Variants in NSL1 observed in about 807,000 individuals in gnomAD.
NSL1 encodes the protein kinetochore-associated protein NSL1 homolog.
In NSL1, 11 loss-of-function variants were observed where a neutral mutation model predicts 25.4. The ratio of observed to expected loss-of-function variants is 0.43; its 90% CI spans 0.27 to 0.72. The LOEUF (loss-of-function observed/expected upper bound fraction) is 0.72. Among genes scored for constraint, NSL1 ranks in the 30% least tolerant of loss-of-function variants. NSL1 has a pLI of 0.19. For missense variants in NSL1, 330 were observed against 342.7 expected, an observed-to-expected ratio of 0.96 and a Z score of 0.29; for synonymous variants, 118 against 120.6, an observed-to-expected ratio of 0.98 and a Z score of 0.14.
intron 4 of NSL1, 99 bp downstream of exon 4, chr1:212,782,273 G>C (rs982459413): frequency 5.9e-6 from 5 of 843,296 alleles, no homozygotes; most frequent in Admixed American, 1.9e-5. Flanking sequence ...GCATCAAAGG[G>C]AGAATATCCT....
At position 212,737,938 on chromosome 1, in the gene NSL1, T is replaced by TA. The variant is rs771958183; in HGVS notation, c.*469dup. 87 of 977,808 alleles carry TA rather than the reference T, an allele frequency of 8.9e-5. No individual in the cohort carries two copies. The highest frequency in any genetic ancestry group is 1.4e-4 in the African/African-American group (8 of 56,788). The allele number at this position is 977,808 out of a possible 1,614,324, so 60.6% of individuals were successfully genotyped here. On this transcript the variant is annotated 3_prime_UTR_variant, in exon 6 of 6. Coordinates refer to ENST00000366977, the MANE Select transcript of NSL1 (RefSeq NM_015471.4). ...AATTTGATAAATCAAACTACATCTT[T>TA]AAAAAAAAACCCTGCATCTGCTGCT...
At chr1:212,742,645 G>A (rs955074872) in intron 4 of NSL1, among the ~76,000 whole-genome samples, 6 of 152,046 alleles carry the variant, frequency 3.9e-5, no homozygotes, top group African/African-American at 9.7e-5. Flanking sequence ...TCATACTGTC[G>A]AAAGGTGATG....
Position 212,738,299 on chromosome 1 carries a change from T to A in NSL1, c.*109A>T. On this transcript the variant is annotated 3_prime_UTR_variant, in exon 6 of 6. Coordinates refer to ENST00000366977, the MANE Select transcript of NSL1 (RefSeq NM_015471.4). ...TATATCTGTATAAATGAATCACTAGTAAAAGAGTTATTTCTTATTTCAAAT... is the reference window on the plus strand; with the variant it reads ...TATATCTGTATAAATGAATCACTAGAAAAAGAGTTATTTCTTATTTCAAAT... 1 of 1,491,674 alleles carries A rather than the reference T, an allele frequency of 6.7e-7. No individual in the cohort carries two copies. Among genetic ancestry groups the A allele is most frequent in the South Asian group, 1.4e-5 (1 of 71,742 alleles). The allele number at this position is 1,491,674 out of a possible 1,614,324, so 92.4% of individuals were successfully genotyped here.
intron 4 of NSL1, among the ~76,000 whole-genome samples, chr1:212,758,867 C>G (rs1004846201): frequency 6.6e-6 from 1 of 152,152 alleles, no homozygotes; most frequent in Non-Finnish European, 1.5e-5. Context: ...AAGACTCATA[C>G]TTTCTGATTT....
In NSL1 at chr1:212,728,953, A is replaced by G; in HGVS notation, c.*9455T>C. 1.0e-6 allele frequency: 1 copy of G among 985,436 alleles called. No individual in the cohort carries two copies. The highest frequency in any genetic ancestry group is 1.2e-6 in the Non-Finnish European group (1 of 829,924). 61.0% of individuals were successfully genotyped at this position (985,436 alleles called of 1,614,324 possible). On this transcript the variant is annotated 3_prime_UTR_variant, in exon 6 of 6. Coordinates refer to ENST00000366977, the MANE Select transcript of NSL1 (RefSeq NM_015471.4). ...GTTTGAACGTTTGTTCCCTTTGAAT[A>G]TGAAAGAAAAAGAAATGAGGAGTAA...
At chr1:212,767,865 A>G (rs933540576) in intron 4 of NSL1, among the ~76,000 whole-genome samples, 1 of 152,242 alleles carries the variant, frequency 6.6e-6, no homozygotes, top group Non-Finnish European at 1.5e-5. Flanking sequence ...TTAAAACCAT[A>G]ATGAGATACC....
intron 4 of NSL1, among the ~76,000 whole-genome samples, chr1:212,781,548 TCA>T (rs1660733533): frequency 6.6e-6 from 1 of 152,120 alleles, no homozygotes; most frequent in South Asian, 2.1e-4. Flanking sequence ...TCCCCCCCTC[TCA>T]GTTTATCCCA....
At chr1:212,779,865 G>A (rs1448353376) in intron 4 of NSL1, among the ~76,000 whole-genome samples, 17 of 143,090 alleles carry the variant, frequency 1.2e-4, no homozygotes, top group Non-Finnish European at 2.3e-4. Context: ...CAGCCGCCCC[G>A]TCCGGGAGGG....
At chr1:212,748,881 G>A (rs755423232) in intron 4 of NSL1, among the ~76,000 whole-genome samples, 9 of 152,028 alleles carry the variant, frequency 5.9e-5, no homozygotes, top group Non-Finnish European at 1.3e-4. Context: ...ATTTAAAGCA[G>A]TGGCCCCAAT....
rs955200073 is a variant in NSL1, at chr1:212,735,185, C to A, written c.*3223G>T. ...AGACTATGCTCTTTAAGATCTCTGACTTTTGATCATAGACAGGTTAAGTAA... is the reference window on the plus strand; with the variant it reads ...AGACTATGCTCTTTAAGATCTCTGAATTTTGATCATAGACAGGTTAAGTAA... On this transcript the variant is annotated 3_prime_UTR_variant, in exon 6 of 6. Coordinates refer to ENST00000366977, the MANE Select transcript of NSL1 (RefSeq NM_015471.4). 1.7e-5 allele frequency: 8 copies of A among 472,378 alleles called. No individual in the cohort carries two copies. The highest frequency in any genetic ancestry group is 2.1e-5 in the African/African-American group (1 of 47,336). The allele number at this position is 472,378 out of a possible 1,614,324, so 29.3% of individuals were successfully genotyped here. A position where few individuals can be genotyped will look rare whatever the true frequency, so the allele number is the denominator to read the frequency against.
In NSL1 at chr1:212,760,165, G is replaced by A. The variant is rs544499816; in HGVS notation, c.500-20564C>T. 7.9e-5 allele frequency among the ~76,000 whole-genome samples: 12 copies of A among 152,092 alleles called. No individual in the cohort carries two copies. The East Asian group carries it at 2.1e-3, about 27-fold the overall frequency. ...GGGCACACACACACACACACCATAA[G>A]GGAGCTTAACAGCAGGTCCAGCCTG... On this transcript the variant is annotated intron_variant, in intron 4 of 5. Transcript: ENST00000366977. This position sits in a 1 kb window ranked among gnomAD's most constrained non-coding sequence, Gnocchi z 4.3.
At chr1:212,783,166 G>C (rs6685341) in intron 3 of NSL1, among the ~76,000 whole-genome samples, 1 of 152,054 alleles carries the variant, frequency 6.6e-6, no homozygotes, top group East Asian at 1.9e-4. Context: ...GGGCAGGGCA[G>C]GAAAAAATTT....
chr1:212,768,556 A>G (rs1328828675), intron 4 of NSL1, among the ~76,000 whole-genome samples: 4 of 152,222 alleles, frequency 2.6e-5, no homozygotes, highest in Admixed American at 6.5e-5. Context: ...AAAGAACAAA[A>G]TAATAGCATT....
intron 4 of NSL1, among the ~76,000 whole-genome samples, chr1:212,740,160 G>GA (rs1658437364): frequency 6.6e-6 from 1 of 151,984 alleles, no homozygotes; most frequent in South Asian, 2.1e-4. Flanking sequence ...CTGAAAATGA[G>GA]AAAAAATTGT....
rs530601347 is a variant in NSL1, at chr1:212,741,592, C to T, written c.500-1991G>A. On this transcript the variant is annotated intron_variant, in intron 4 of 5. Coordinates refer to ENST00000366977, the MANE Select transcript of NSL1 (RefSeq NM_015471.4). ...GAGGTGCTAGCTCTTCCTTTGCCTT[C>T]TGCCATGACTATAAGTTTCCTGAGG... 2.0e-5 allele frequency among the ~76,000 whole-genome samples: 3 copies of T among 152,340 alleles called. No homozygotes were observed. The South Asian group carries it at 6.2e-4, about 32-fold the overall frequency.
intron 4 of NSL1, among the ~76,000 whole-genome samples, chr1:212,769,265 A>C (rs975561747): frequency 9.2e-5 from 14 of 152,196 alleles, no homozygotes; most frequent in African/African-American, 3.4e-4. Context: ...CAGGAAGCTC[A>C]AAATTCTGCA....
At chr1:212,756,838 G>GAAAT (rs1039575622) in intron 4 of NSL1, among the ~76,000 whole-genome samples, 3 of 151,988 alleles carry the variant, frequency 2.0e-5, no homozygotes, top group Non-Finnish European at 4.4e-5. Flanking sequence ...GAAAAGAAAA[G>GAAAT]AAAAAAGAGG....
chr1:212,788,405 A>C (rs1661040384), intron 1 of NSL1, among the ~76,000 whole-genome samples: 2 of 152,206 alleles, frequency 1.3e-5, no homozygotes, highest in South Asian at 4.1e-4. Flanking sequence ...AGGGAGAAGC[A>C]ACTGTAACAA....
At chr1:212,749,148 A>G (rs1018011633) in intron 4 of NSL1, among the ~76,000 whole-genome samples, 2 of 152,132 alleles carry the variant, frequency 1.3e-5, no homozygotes, top group Non-Finnish European at 1.5e-5. Flanking sequence ...TGTGCATTAT[A>G]TGTTATACTG....
Sources: gnomAD v4.1 joint callset for allele counts (sites outside exome capture counted in the v4.1 genomes callset) on GRCh38, gnomAD v4.1.1 for gene constraint, Gnocchi (gnomAD v3.1) non-coding constraint, MANE v1.5 for transcripts, NCBI Gene and HGNC (gene_info 2026-07-23, HGNC 2026-07-21) for gene names.